SRPK2: variants seen among roughly 807,000 people sequenced by gnomAD.
SRPK2 encodes the protein SFRS protein kinase 2.
A neutral mutation model predicts 90.8 loss-of-function variants in SRPK2; 21 were observed. That is an observed-to-expected ratio of 0.23 (90% confidence interval 0.16 to 0.33). SRPK2 has a LOEUF of 0.33. Among genes scored for constraint, SRPK2 ranks in the 10% least tolerant of loss-of-function variants. SRPK2 has a pLI of 1.00. For synonymous variants in SRPK2, 288 were observed against 311.1 expected (o/e 0.93, Z 0.78); for missense variants, 620 against 869.0 (o/e 0.71, Z 3.60).
At position 105,290,454 on chromosome 7, in the gene SRPK2, C is replaced by T. The variant is rs986596920; in HGVS notation, c.72-86669G>A. Among the ~76,000 whole-genome samples, 9 of 152,158 alleles carry T rather than the reference C, an allele frequency of 5.9e-5. 1 individual carries two copies. The South Asian group carries it at 8.3e-4, about 14-fold the overall frequency. On this transcript the variant is annotated intron_variant, in intron 2 of 15. Transcript: ENST00000393651. ...CGGAGTTCACAGTGAGCGGAGACTGCGCCACTGCACTCAGGTGTGGATGAC... is the reference window on the plus strand; with the variant it reads ...CGGAGTTCACAGTGAGCGGAGACTGTGCCACTGCACTCAGGTGTGGATGAC...
At chr7:105,391,960 TC>T (rs1308397538), upstream of SRPK2, among the ~76,000 whole-genome samples, 1 of 152,200 alleles carries the variant, frequency 6.6e-6, no homozygotes, top group Non-Finnish European at 1.5e-5. Flanking sequence ...TAAATGGTCA[TC>T]CATAAATGAA....
chr7:105,254,846 C>A (rs543443167), intron 2 of SRPK2, among the ~76,000 whole-genome samples: 4 of 139,596 alleles, frequency 2.9e-5, no homozygotes, highest in African/African-American at 4.9e-5. Flanking sequence ...TACACCACCA[C>A]ACCCAGCTAA....
intron 2 of SRPK2, among the ~76,000 whole-genome samples, chr7:105,238,409 G>A (rs1361207397): frequency 1.3e-5 from 2 of 152,328 alleles, no homozygotes; most frequent in East Asian, 1.9e-4. Context: ...AGAGGCCCAC[G>A]GCCTAGGCTC....
Position 105,143,115 on chromosome 7 carries a change from C to G in SRPK2, c.1029G>C (p.Glu343Asp). 1 of 1,614,158 alleles carries G rather than the reference C, an allele frequency of 6.2e-7. No individual in the cohort carries two copies. Among genetic ancestry groups the G allele is most frequent in the Non-Finnish European group, 8.5e-7 (1 of 1,180,022 alleles). ...EVKLKTTGLEEAAEAETAKDN... is the reference protein window; with the variant it reads ...EVKLKTTGLEDAAEAETAKDN... Reference sequence around the variant, plus strand: ...CCTTTGCAGTCTCTGCCTCAGCCGCCTCCTCTAATCCTGTTGTTTTTAGTT... The same window carrying G: ...CCTTTGCAGTCTCTGCCTCAGCCGCGTCCTCTAATCCTGTTGTTTTTAGTT... Residue 343 changes from glutamate (E) to aspartate (D), a missense_variant, in exon 10 of 16, where the codon GAG (glutamate) becomes GAC (aspartate). Physicochemically the swap from Glu to Asp is conservative, Grantham distance 45 (BLOSUM62 2). This residue lies in a region of SRPK2 where 243 missense variants were observed against 245.7 expected (regional missense o/e 0.99). Transcript: ENST00000393651.
intron 2 of SRPK2, among the ~76,000 whole-genome samples, chr7:105,260,884 G>C (rs999542073): frequency 6.6e-6 from 1 of 151,634 alleles, no homozygotes; most frequent in African/African-American, 2.4e-5. Flanking sequence ...AGCCTATTGG[G>C]GGGTGGGGGA....
chr7:105,203,659 C>T lies in SRPK2; in HGVS notation c.198G>A (p.Glu66=). The change falls in exon 3 of 16, where the codon GAG becomes GAA. Residue 66 remains glutamate, a synonymous_variant. Transcript: ENST00000393651. ...PEEEILGSDD[E]EQEDPADYCK... is the part of the protein sequence containing the mutation. ...AGTAGTCCGCAGGGTCCTCTTGCTC[C>T]TCATCATCTGATCCCAGGATCTCCT... 1.3e-6 allele frequency: 2 copies of T among 1,547,860 alleles called. No individual in the cohort carries two copies. The highest frequency in any genetic ancestry group is 1.7e-6 in the Non-Finnish European group (2 of 1,152,178).
At chr7:105,369,318 T>C (rs575682726) in intron 2 of SRPK2, among the ~76,000 whole-genome samples, 56 of 152,022 alleles carry the variant, frequency 3.7e-4, no homozygotes, top group African/African-American at 1.3e-3. Flanking sequence ...AGCTAATTTT[T>C]TGTATTTTTA....
In SRPK2 at chr7:105,371,586, C is replaced by CAA. The variant is rs66731193; in HGVS notation, c.71+17060_71+17061dup. Among the ~76,000 whole-genome samples, 746 of 106,660 alleles carry CAA rather than the reference C, an allele frequency of 7.0e-3. 50 individuals carry two copies. The highest frequency in any genetic ancestry group is 0.011 in the South Asian group (33 of 3,098). 70.0% of individuals were successfully genotyped at this position (106,660 alleles called of 152,430 possible). On this transcript the variant is annotated intron_variant, in intron 2 of 15. Coordinates refer to ENST00000393651, the MANE Select transcript of SRPK2 (RefSeq NM_182692.3). ...GGGCAACAGTGAGACCCCATCTCTACAAAAAAAAAAAAAAAAAACACTAGT... is the reference window on the plus strand; with the variant it reads ...GGGCAACAGTGAGACCCCATCTCTACAAAAAAAAAAAAAAAAAAAACACTAGT...
intron 13 of SRPK2, among the ~76,000 whole-genome samples, chr7:105,127,735 T>G (rs1801412695): frequency 1.4e-5 from 1 of 70,896 alleles, no homozygotes; most frequent in Non-Finnish European, 3.4e-5. Context: ...ACATTTCCCT[T>G]GCTCACAAAA....
At chr7:105,209,706 A>C (rs1796626087) in intron 2 of SRPK2, among the ~76,000 whole-genome samples, 1 of 151,986 alleles carries the variant, frequency 6.6e-6, no homozygotes, top group African/African-American at 2.4e-5. Flanking sequence ...AGGAAAGAGA[A>C]AGGAAAACAA....
At chr7:105,384,499 G>T (rs1440137515) in intron 2 of SRPK2, among the ~76,000 whole-genome samples, 1 of 152,116 alleles carries the variant, frequency 6.6e-6, no homozygotes, top group African/African-American at 2.4e-5. Context: ...ATATACAAAA[G>T]TAGATAATGA....
At chr7:105,135,105 G>T (rs1802595199) in intron 11 of SRPK2, among the ~76,000 whole-genome samples, 1 of 152,172 alleles carries the variant, frequency 6.6e-6, no homozygotes, top group South Asian at 2.1e-4. Context: ...CACTAGACAT[G>T]ACTAGATGAA....
intron 2 of SRPK2, among the ~76,000 whole-genome samples, chr7:105,373,125 C>G (rs999432717): frequency 2.6e-5 from 4 of 152,074 alleles, no homozygotes; most frequent in African/African-American, 9.7e-5. Flanking sequence ...ACCTGTAATA[C>G]AAACAGAGCA....
intron 7 of SRPK2, among the ~76,000 whole-genome samples, chr7:105,149,438 C>T (rs1047065783): frequency 7.2e-5 from 11 of 152,114 alleles, no homozygotes; most frequent in Middle Eastern, 3.2e-3. Flanking sequence ...TATCACCCTG[C>T]CCTCCTACTA....
intron 2 of SRPK2, among the ~76,000 whole-genome samples, chr7:105,346,581 C>T (rs1816484061): frequency 6.6e-6 from 1 of 152,082 alleles, no homozygotes; most frequent in Admixed American, 6.6e-5. Flanking sequence ...TGGTGAAACC[C>T]TGTCTCTACT....
intron 1 of SRPK2, among the ~76,000 whole-genome samples, chr7:105,395,732 C>T (rs1037797337): frequency 2.0e-5 from 3 of 150,790 alleles, no homozygotes; most frequent in African/African-American, 7.3e-5. Context: ...ACTCTGTCTC[C>T]CAAAACAAAA....
intron 2 of SRPK2, among the ~76,000 whole-genome samples, chr7:105,329,679 A>G (rs1009062739): frequency 2.6e-5 from 4 of 152,116 alleles, no homozygotes; most frequent in African/African-American, 7.2e-5. Context: ...GTGACACCCA[A>G]TTCAGCATTT....
chr7:105,216,245 T>C (rs1797446150), intron 2 of SRPK2, among the ~76,000 whole-genome samples: 1 of 152,162 alleles, frequency 6.6e-6, no homozygotes, highest in South Asian at 2.1e-4. Context: ...ATATGAAAGA[T>C]ATACACACTG....
intron 7 of SRPK2, among the ~76,000 whole-genome samples, chr7:105,154,800 G>A (rs763864324): frequency 4.6e-5 from 7 of 151,126 alleles, no homozygotes; most frequent in Admixed American, 2.6e-4. Context: ...TCAGCCTCCC[G>A]AGTAGCTGGG....
Sources: gnomAD v4.1 joint callset for allele counts (sites outside exome capture counted in the v4.1 genomes callset) on GRCh38, gnomAD v4.1.1 for gene constraint, gnomAD v4.1.1 regional missense constraint, MANE v1.5 for transcripts, NCBI Gene and HGNC (gene_info 2026-07-23, HGNC 2026-07-21) for gene names.